Variants in PACRG observed in about 807,000 individuals in gnomAD.
The protein encoded by PACRG is parkin coregulated, also known as parkin coregulated gene protein.
PACRG carries 29 observed loss-of-function variants against 29.7 expected under a neutral mutation model. That is an observed-to-expected ratio of 0.98 (90% CI 0.73 to 1.33). The LOEUF (loss-of-function observed/expected upper bound fraction) is 1.33, where lower values mean the gene tolerates loss of function less well. Among genes scored for constraint, PACRG ranks in the 40% most tolerant of loss-of-function variants. The pLI is 0.00. For missense variants in PACRG, 279 were observed against 316.2 expected, an observed-to-expected ratio of 0.88 and a Z score of 0.89; for synonymous variants, 116 against 118.7, an observed-to-expected ratio of 0.98 and a Z score of 0.15.
chr6:163,188,532 C>T (rs527260740), intron 4 of PACRG, among the ~76,000 whole-genome samples: 2 of 152,282 alleles, frequency 1.3e-5, no homozygotes, highest in Admixed American at 1.3e-4. Context: ...CCTGAAGGCT[C>T]ATCTCTTGGG....
At chr6:163,110,558 C>T (rs1815656409) in intron 4 of PACRG, among the ~76,000 whole-genome samples, 1 of 152,208 alleles carries the variant, frequency 6.6e-6, no homozygotes, top group Non-Finnish European at 1.5e-5. Context: ...GAGCACAGCT[C>T]AATTTGCTTC....
chr6:163,143,632 G>A (rs1261590684), intron 4 of PACRG, among the ~76,000 whole-genome samples: 1 of 152,160 alleles, frequency 6.6e-6, no homozygotes, highest in African/African-American at 2.4e-5. Flanking sequence ...ATATACAGTT[G>A]TTAAATCACA....
At chr6:163,170,706 C>A (rs556150227) in intron 4 of PACRG, 1 of 152,238 alleles carries the variant, frequency 6.6e-6, no homozygotes, top group Non-Finnish European at 1.5e-5. Flanking sequence ...TATTTGCTGT[C>A]GATTCCACGC....
intron 3 of PACRG, among the ~76,000 whole-genome samples, chr6:163,081,924 AC>A (rs1813122385): frequency 6.6e-6 from 1 of 152,332 alleles, no homozygotes. Context: ...CTGTCACCTG[AC>A]CAAAAAAGGA....
Position 162,912,202 on chromosome 6 carries a change from T to G in PACRG, c.291+97921T>G, listed in dbSNP as rs374978014. ...TATAGAGTAGTACTCCCTAGTATATTTCCATCATTTAAAAAAATCTATCCT... is the reference window on the plus strand; with the variant it reads ...TATAGAGTAGTACTCCCTAGTATATGTCCATCATTTAAAAAAATCTATCCT... On this transcript the variant is annotated intron_variant, in intron 2 of 4. Coordinates refer to ENST00000366888, the MANE Select transcript of PACRG (RefSeq NM_001080379.2). Among the ~76,000 whole-genome samples the G allele has an allele frequency of 6.6e-5, 10 of 152,332 alleles. No homozygotes were observed. In the East Asian group the frequency reaches 1.4e-3, roughly 21 times the overall value.
rs866385421 is a variant in PACRG, at chr6:163,179,406, A to C, written c.613+89998A>C. The C allele has an allele frequency of 4.1e-3, 1,210 of 293,786 alleles. 13 individuals are homozygous for C. The highest frequency in any genetic ancestry group is 0.022 in the African/African-American group (986 of 45,092). The allele number at this position is 293,786 out of a possible 1,614,324, so 18.2% of individuals were successfully genotyped here. A position where few individuals can be genotyped will look rare whatever the true frequency, so the allele number is the denominator to read the frequency against. ...GTGTTCTTTAAATTAAAAAAAAAAA[A>C]AAAAAACTTCTGGCAAATCGTGGTG... is the stretch of plus-strand genomic sequence containing the variant. On this transcript the variant is annotated intron_variant, in intron 4 of 4. Transcript: ENST00000366888.
At chr6:163,290,227 C>A (rs1251868979) in intron 4 of PACRG, among the ~76,000 whole-genome samples, 2 of 151,780 alleles carry the variant, frequency 1.3e-5, no homozygotes, top group Non-Finnish European at 2.9e-5. Context: ...TGTGCCAACT[C>A]CAAATTCACT....
intron 2 of PACRG, among the ~76,000 whole-genome samples, chr6:162,868,282 G>A (rs1334938526): frequency 6.7e-6 from 1 of 148,182 alleles, no homozygotes; most frequent in Non-Finnish European, 1.5e-5. Flanking sequence ...TTAAATCCTG[G>A]CCTTTTCCCC....
intron 4 of PACRG, among the ~76,000 whole-genome samples, chr6:163,148,746 C>A (rs144948008): frequency 6.6e-6 from 1 of 152,030 alleles, no homozygotes; most frequent in African/African-American, 2.4e-5. Flanking sequence ...ATGGAGCATG[C>A]GAGAACATAC....
intron 1 of PACRG, among the ~76,000 whole-genome samples, chr6:162,808,892 A>G (rs1479649042): frequency 6.6e-6 from 1 of 152,204 alleles, no homozygotes; most frequent in Non-Finnish European, 1.5e-5. Flanking sequence ...CAAATATGGA[A>G]CTTACCTAAG....
chr6:162,972,537 T>C (rs1801621063), intron 2 of PACRG, among the ~76,000 whole-genome samples: 1 of 152,200 alleles, frequency 6.6e-6, no homozygotes, highest in African/African-American at 2.4e-5. Context: ...GAGCTTCATC[T>C]CTGTTATAAA....
intron 4 of PACRG, among the ~76,000 whole-genome samples, chr6:163,173,628 A>G (rs1435754482): frequency 6.6e-6 from 1 of 152,162 alleles, no homozygotes; most frequent in Non-Finnish European, 1.5e-5. Flanking sequence ...CGCAAGTGGC[A>G]TATGGTTTTT....
intron 4 of PACRG, among the ~76,000 whole-genome samples, chr6:163,120,166 A>G (rs1022595935): frequency 6.6e-6 from 1 of 152,146 alleles, no homozygotes; most frequent in Non-Finnish European, 1.5e-5. Flanking sequence ...ATGAAATAAG[A>G]TAAGAGGGAA....
At chr6:162,904,473 G>A (rs529519553) in intron 2 of PACRG, among the ~76,000 whole-genome samples, 4 of 151,090 alleles carry the variant, frequency 2.6e-5, no homozygotes, top group African/African-American at 9.6e-5. Flanking sequence ...AGCGAGGGAG[G>A]CCATCCTGGT....
chr6:162,923,955 G>A (rs1157891631), intron 2 of PACRG, among the ~76,000 whole-genome samples: 1 of 152,028 alleles, frequency 6.6e-6, no homozygotes, highest in Non-Finnish European at 1.5e-5. Flanking sequence ...CATTGAATAT[G>A]CAGATTACTT....
At chr6:162,943,225 G>A (rs1241602024) in intron 2 of PACRG, among the ~76,000 whole-genome samples, 2 of 152,136 alleles carry the variant, frequency 1.3e-5, no homozygotes, top group Non-Finnish European at 2.9e-5. Context: ...TGAGAGCCCA[G>A]CCCCCAGCAG....
intron 2 of PACRG, among the ~76,000 whole-genome samples, chr6:163,004,066 G>T (rs1443816084): frequency 1.3e-5 from 2 of 151,764 alleles, no homozygotes; most frequent in Admixed American, 1.3e-4. Flanking sequence ...TCTTGAATTA[G>T]AATTTACAAA....
At chr6:163,159,113 ACTT>A (rs1562943593) in intron 4 of PACRG, among the ~76,000 whole-genome samples, 1 of 152,110 alleles carries the variant, frequency 6.6e-6, no homozygotes, top group Admixed American at 6.5e-5. Flanking sequence ...AACTTAGAGA[ACTT>A]CTCTGAATCC....
intron 2 of PACRG, among the ~76,000 whole-genome samples, chr6:162,980,333 AAAAATAAATGTG>A (rs1802308026): frequency 6.6e-6 from 1 of 152,116 alleles, no homozygotes; most frequent in African/African-American, 2.4e-5. Flanking sequence ...CTAGTCTCTT[AAAAATAAATGTG>A]AAAATGTTTA....
Sources: allele counts gnomAD v4.1 joint callset (sites outside exome capture counted in the v4.1 genomes callset), GRCh38; gene constraint gnomAD v4.1.1; transcripts MANE v1.5; gene names NCBI Gene and HGNC (gene_info 2026-07-23, HGNC 2026-07-21).